Variants in ARHGAP26 observed in about 807,000 individuals in gnomAD.
ARHGAP26 encodes rho GTPase-activating protein 26.
ARHGAP26 carries 38 observed loss-of-function variants against 104.8 expected under a neutral mutation model. The observed-to-expected ratio is 0.36, with a 90% CI of 0.28 to 0.48. The LOEUF is 0.48. Ranked by LOEUF, ARHGAP26 falls within the 20% of genes least tolerant of loss-of-function variation. The probability of loss-of-function intolerance (pLI) is 0.99; values close to 1 mark genes in which losing one functional copy is unlikely to be tolerated. For missense variants in ARHGAP26, 704 were observed against 947.9 expected (o/e 0.74, Z 3.38); for synonymous variants, 341 against 340.0 (o/e 1.00, Z -0.03).
At chr5:142,892,847 A>T (rs1317515538) in intron 5 of ARHGAP26, among the ~76,000 whole-genome samples, 1 of 152,162 alleles carries the variant, frequency 6.6e-6, no homozygotes, top group Admixed American at 6.5e-5. Context: ...TCTAGATATT[A>T]TGAAATATAC....
chr5:142,943,551 T>C (rs1184527756), intron 11 of ARHGAP26, among the ~76,000 whole-genome samples: 1 of 152,154 alleles, frequency 6.6e-6, no homozygotes, highest in Non-Finnish European at 1.5e-5. Context: ...AATCACCCCA[T>C]AAGGCCCTAC....
At chr5:142,818,490 G>A (rs559442115) in intron 1 of ARHGAP26, among the ~76,000 whole-genome samples, 120 of 152,326 alleles carry the variant, frequency 7.9e-4, no homozygotes, top group Middle Eastern at 3.4e-3. Context: ...TCTGACAGTA[G>A]GTCTACTTGG....
intron 20 of ARHGAP26, among the ~76,000 whole-genome samples, chr5:143,160,707 G>A (rs1801127420): frequency 6.6e-6 from 1 of 151,776 alleles, no homozygotes; most frequent in Non-Finnish European, 1.5e-5. Flanking sequence ...CTAGTCCCCT[G>A]GATGCAAGAG....
At chr5:142,984,100 G>A (rs1412477865) in intron 11 of ARHGAP26, among the ~76,000 whole-genome samples, 1 of 152,196 alleles carries the variant, frequency 6.6e-6, no homozygotes, top group African/African-American at 2.4e-5. Flanking sequence ...TAGGATGTAG[G>A]CTTTTGTCTT....
chr5:142,770,645 T>C lies in ARHGAP26; in HGVS notation c.-117T>C, dbSNP rs1410468697. On this transcript the variant is annotated 5_prime_UTR_variant, in exon 1 of 23. Coordinates refer to ENST00000645722, the MANE Select transcript of ARHGAP26 (RefSeq NM_001135608.3). ...GCGCGGAGTGAGCCAGCGCCACACCTGTGGAGCCGGCGGCCGTCGGGGGAG... is the reference window on the plus strand; with the variant it reads ...GCGCGGAGTGAGCCAGCGCCACACCCGTGGAGCCGGCGGCCGTCGGGGGAG... The C allele has an allele frequency of 1.3e-6, 1 of 749,280 alleles. No individual in the cohort carries two copies. The highest frequency in any genetic ancestry group is 1.7e-6 in the Non-Finnish European group (1 of 603,508). The allele number at this position is 749,280 out of a possible 1,614,324, so 46.4% of individuals were successfully genotyped here.
intron 21 of ARHGAP26, among the ~76,000 whole-genome samples, chr5:143,213,730 C>T (rs563447537): frequency 6.6e-6 from 1 of 152,282 alleles, no homozygotes; most frequent in Admixed American, 6.5e-5. Context: ...TTGTAACTCC[C>T]AGGTAAAGTT....
At chr5:143,220,415 G>T (rs10038512) in intron 22 of ARHGAP26, among the ~76,000 whole-genome samples, 1 of 152,186 alleles carries the variant, frequency 6.6e-6, no homozygotes, top group African/African-American at 2.4e-5. Flanking sequence ...GCTCTGTGCC[G>T]AGTGCTTTAT....
At chr5:143,018,001 C>G (rs1461893579) in intron 12 of ARHGAP26, among the ~76,000 whole-genome samples, 1 of 152,252 alleles carries the variant, frequency 6.6e-6, no homozygotes, top group African/African-American at 2.4e-5. Flanking sequence ...CCTGCCAACT[C>G]TCACCAGTAT....
chr5:143,016,892 G>T (rs374686583), intron 12 of ARHGAP26, among the ~76,000 whole-genome samples: 10 of 152,200 alleles, frequency 6.6e-5, no homozygotes, highest in African/African-American at 2.4e-4. Flanking sequence ...CCTTGGTGGG[G>T]TTGTTTTACT....
intron 20 of ARHGAP26, among the ~76,000 whole-genome samples, chr5:143,183,087 A>AG (rs1554262200): frequency 1.3e-5 from 2 of 151,670 alleles, no homozygotes; most frequent in East Asian, 1.9e-4. Context: ...AAAAAAAAAA[A>AG]AAAAGAAAAA....
intron 14 of ARHGAP26, among the ~76,000 whole-genome samples, chr5:143,051,164 A>C (rs1397842917): frequency 6.6e-6 from 1 of 152,228 alleles, no homozygotes; most frequent in Non-Finnish European, 1.5e-5. Context: ...TAGGAAATTC[A>C]AGAGTACATA....
chr5:143,077,832 C>T (rs1789252487), intron 17 of ARHGAP26, among the ~76,000 whole-genome samples: 1 of 152,164 alleles, frequency 6.6e-6, no homozygotes, highest in Non-Finnish European at 1.5e-5. Flanking sequence ...GGTTCGAAGG[C>T]CAAGAGTAGG....
At position 142,859,796 on chromosome 5, in the gene ARHGAP26, T is replaced by G. The variant is rs117842955; in HGVS notation, c.155-13604T>G. On this transcript the variant is annotated intron_variant, in intron 1 of 22. Transcript: ENST00000645722. Reference sequence around the variant, plus strand: ...AGTCTGTCTCTGTCCTAGGTTACCATGATCAGTGTCAGTGGTTGGCTTATC... The same window carrying G: ...AGTCTGTCTCTGTCCTAGGTTACCAGGATCAGTGTCAGTGGTTGGCTTATC... 154 of 152,406 alleles carry G rather than the reference T, an allele frequency of 1.0e-3. 3 individuals are homozygous for G. The East Asian group carries it at 0.024, about 24-fold the overall frequency. The allele number at this position is 152,406 out of a possible 1,614,324, so 9.4% of individuals were successfully genotyped here.
intron 17 of ARHGAP26, among the ~76,000 whole-genome samples, chr5:143,084,309 T>G (rs1290389131): frequency 6.6e-6 from 1 of 152,234 alleles, no homozygotes; most frequent in Non-Finnish European, 1.5e-5. Flanking sequence ...ACCAGACAGA[T>G]TTAGCTGTCT....
chr5:142,968,823 T>C (rs193028417), intron 11 of ARHGAP26, among the ~76,000 whole-genome samples: 8 of 152,382 alleles, frequency 5.2e-5, no homozygotes, highest in African/African-American at 1.9e-4. Flanking sequence ...ATCCCTTCCC[T>C]GACAAACTGC....
chr5:142,878,806 G>T (rs966914431), intron 3 of ARHGAP26, among the ~76,000 whole-genome samples: 3 of 152,144 alleles, frequency 2.0e-5, no homozygotes, highest in Admixed American at 1.3e-4. Context: ...AGGTTGGAAT[G>T]CAGGACCTGA....
At chr5:142,908,423 C>T (rs761350194) in intron 9 of ARHGAP26, among the ~76,000 whole-genome samples, 3 of 152,216 alleles carry the variant, frequency 2.0e-5, no homozygotes, top group Non-Finnish European at 4.4e-5. Context: ...CTCCTGTATC[C>T]TTTTCTTCCC....
At chr5:142,928,248 T>C (rs10062088) in intron 10 of ARHGAP26, among the ~76,000 whole-genome samples, 1 of 145,228 alleles carries the variant, frequency 6.9e-6, no homozygotes. Context: ...TTTTTTTTTT[T>C]AAAACTCATT....
intron 11 of ARHGAP26, among the ~76,000 whole-genome samples, chr5:142,998,904 T>G (rs1776811473): frequency 1.3e-5 from 2 of 152,148 alleles, no homozygotes; most frequent in South Asian, 4.1e-4. Flanking sequence ...CTCCAACATT[T>G]GCAGGACCTT....
Sources: allele counts gnomAD v4.1 joint callset (sites outside exome capture counted in the v4.1 genomes callset), GRCh38; gene constraint gnomAD v4.1.1; transcripts MANE v1.5; gene names NCBI Gene and HGNC (gene_info 2026-07-23, HGNC 2026-07-21).